RBM39: variants seen among roughly 807,000 people sequenced by gnomAD.
RBM39 encodes RNA-binding protein 39.
In RBM39, 12 loss-of-function variants were observed where a neutral mutation model predicts 79.6. That is an observed-to-expected ratio of 0.15 (90% CI 0.10 to 0.24). RBM39 has a LOEUF of 0.24. Ranked by LOEUF, RBM39 falls within the 10% of genes least tolerant of loss-of-function variation. The pLI, the probability that RBM39 is intolerant of heterozygous loss-of-function variation, is 1.00. For missense variants in RBM39, 243 were observed against 653.4 expected (o/e 0.37, Z 6.85); for synonymous variants, 185 against 208.4 (o/e 0.89, Z 0.97).
At chr20:35,722,997 A>G (rs2038180712) in intron 8 of RBM39, among the ~76,000 whole-genome samples, 1 of 152,100 alleles carries the variant, frequency 6.6e-6, no homozygotes, top group Admixed American at 6.6e-5. Flanking sequence ...TCATGAACCT[A>G]CATTCTTGAC....
intron 6 of RBM39, among the ~76,000 whole-genome samples, chr20:35,725,981 A>T (rs1032271577): frequency 6.6e-6 from 1 of 151,704 alleles, no homozygotes; most frequent in Non-Finnish European, 1.5e-5. Context: ...GCCCATTTTC[A>T]GTAAGATCTA....
intron 14 of RBM39, among the ~76,000 whole-genome samples, 179 bp downstream of exon 14, chr20:35,706,941 C>T (rs888408327): frequency 7.5e-5 from 11 of 147,000 alleles, no homozygotes; most frequent in African/African-American, 2.5e-4. Context: ...GCAGGAGAAT[C>T]GCTTGAACCC....
intron 11 of RBM39, chr20:35,713,976 C>T (rs1266299855): frequency 1.8e-6 from 1 of 544,864 alleles, no homozygotes; most frequent in African/African-American, 1.9e-5. Context: ...AATCTTGCAA[C>T]TTATACTGTG....
intron 10 of RBM39, among the ~76,000 whole-genome samples, chr20:35,716,502 G>A (rs187027173): frequency 2.6e-5 from 4 of 152,216 alleles, no homozygotes; most frequent in Admixed American, 2.6e-4. Context: ...GTGATGATTT[G>A]GTTTTCACAT....
intron 6 of RBM39, among the ~76,000 whole-genome samples, chr20:35,727,869 G>T (rs12480194): frequency 0.19 from 28,379 of 151,950 alleles, 3,046 homozygotes; most frequent in African/African-American, 0.31. Context: ...GGCTGGTCTT[G>T]AACTTCTGAC....
intron 3 of RBM39, among the ~76,000 whole-genome samples, chr20:35,736,875 T>C (rs1482752909): frequency 6.7e-6 from 1 of 150,038 alleles, no homozygotes; most frequent in East Asian, 2.1e-4. Context: ...ATGGTCTCGA[T>C]CTCCTGACCT....
chr20:35,707,056 AAT>A (rs2035834420), intron 14 of RBM39, 62 bp downstream of exon 14: 1 of 760,098 alleles, frequency 1.3e-6, no homozygotes, highest in East Asian at 3.1e-5. Flanking sequence ...AAAAAAGAGA[AAT>A]ATATAAAACA....
chr20:35,707,798 A>T (rs1043678988), intron 13 of RBM39: 3 of 352,050 alleles, frequency 8.5e-6, no homozygotes, highest in Non-Finnish European at 1.7e-5. Context: ...AAGAACACTG[A>T]AAAGAGCAGC....
intron 3 of RBM39, chr20:35,736,430 C>CA (rs559695341): frequency 0.057 from 15,113 of 266,094 alleles, 245 homozygotes; most frequent in African/African-American, 0.098. Context: ...AGGGGAACTA[C>CA]AAAAAAAAAA....
intron 4 of RBM39, among the ~76,000 whole-genome samples, chr20:35,729,849 A>AC (rs1569054714): frequency 2.7e-5 from 4 of 148,852 alleles, no homozygotes; most frequent in African/African-American, 9.9e-5. Flanking sequence ...GAATTAAAAA[A>AC]AAAAAAACAC....
At chr20:35,730,940 ATTCATGT>A (rs1190041043) in intron 4 of RBM39, among the ~76,000 whole-genome samples, 2 of 152,270 alleles carry the variant, frequency 1.3e-5, no homozygotes, top group East Asian at 3.9e-4. Flanking sequence ...CAGAATCGGA[ATTCATGT>A]AATGCCAAAA....
chr20:35,729,861 C>T (rs1475816283), intron 4 of RBM39, among the ~76,000 whole-genome samples: 1 of 151,020 alleles, frequency 6.6e-6, no homozygotes, highest in African/African-American at 2.4e-5. Context: ...AAAAAACACA[C>T]ACACACATAT....
chr20:35,733,958 T>C (rs1416084616), intron 3 of RBM39, among the ~76,000 whole-genome samples: 1 of 152,252 alleles, frequency 6.6e-6, no homozygotes, highest in Non-Finnish European at 1.5e-5. Flanking sequence ...GATATTTCAA[T>C]ATAAATTGAA....
intron 3 of RBM39, chr20:35,736,374 A>AT (rs2039905515): frequency 3.4e-6 from 1 of 294,634 alleles, no homozygotes; most frequent in Admixed American, 4.3e-5. Flanking sequence ...AAAGGAGCAC[A>AT]TTTTCTACAA....
chr20:35,720,035 G>A (rs765825666), intron 9 of RBM39: 21 of 239,406 alleles, frequency 8.8e-5, no homozygotes, highest in Non-Finnish European at 1.5e-4. Context: ...CACTTGCCTC[G>A]GCCTCCCAAA....
chr20:35,723,227 C>A (rs2038213671), intron 8 of RBM39, among the ~76,000 whole-genome samples: 1 of 139,892 alleles, frequency 7.1e-6, no homozygotes, highest in East Asian at 2.0e-4. Flanking sequence ...ACCAAGATCG[C>A]CTCAAAAAAA....
chr20:35,728,776 CATAA>C (rs1028043819), intron 6 of RBM39, among the ~76,000 whole-genome samples: 9 of 151,912 alleles, frequency 5.9e-5, no homozygotes, highest in Admixed American at 3.9e-4. Context: ...GACTCCATCT[CATAA>C]ATAAATAACT....
At chr20:35,706,896 G>A (rs921900628) in intron 14 of RBM39, among the ~76,000 whole-genome samples, 13 of 151,540 alleles carry the variant, frequency 8.6e-5, no homozygotes, top group Middle Eastern at 3.2e-3. Context: ...GTGTGGTGGC[G>A]CATGCCTGTA....
intron 14 of RBM39, 128 bp from the exon 15 acceptor site, chr20:35,705,458 G>T: frequency 1.7e-6 from 1 of 594,740 alleles, no homozygotes; most frequent in East Asian, 3.2e-5. Flanking sequence ...CACATTGACA[G>T]AACGTCTCTG....
Sources: gnomAD v4.1 joint callset for allele counts (sites outside exome capture counted in the v4.1 genomes callset) on GRCh38, gnomAD v4.1.1 for gene constraint, MANE v1.5 for transcripts, NCBI Gene and HGNC (gene_info 2026-07-23, HGNC 2026-07-21) for gene names.